Variants in DLGAP1 observed in about 807,000 individuals in gnomAD.
The protein encoded by DLGAP1 is disks large-associated protein 1.
DLGAP1 carries 11 observed loss-of-function variants against 90.8 expected under a neutral mutation model. The observed-to-expected ratio is 0.12, with a 90% CI of 0.08 to 0.20. The LOEUF (loss-of-function observed/expected upper bound fraction) is 0.20. Ranked by LOEUF, DLGAP1 falls within the 10% of genes least tolerant of loss-of-function variation. The pLI is 1.00. For synonymous variants in DLGAP1, 558 were observed against 540.7 expected, an observed-to-expected ratio of 1.03 and a Z score of -0.44; for missense variants, 1,050 against 1,333.8, an observed-to-expected ratio of 0.79 and a Z score of 3.31.
intron 1 of DLGAP1, among the ~76,000 whole-genome samples, chr18:4,403,863 T>A (rs555058570): frequency 6.6e-6 from 1 of 152,176 alleles, no homozygotes; most frequent in Non-Finnish European, 1.5e-5. Context: ...GTAATTAGGC[T>A]ATGAAATATC....
intron 4 of DLGAP1, among the ~76,000 whole-genome samples, chr18:3,846,074 G>GTGTA (rs1416090725): frequency 6.6e-6 from 1 of 151,784 alleles, no homozygotes; most frequent in African/African-American, 2.4e-5. Context: ...GTGTGTGTGT[G>GTGTA]TGTGTGTCTC....
chr18:3,989,793 A>C (rs375811695), intron 3 of DLGAP1, among the ~76,000 whole-genome samples: 2 of 152,222 alleles, frequency 1.3e-5, no homozygotes, highest in African/African-American at 4.8e-5. Flanking sequence ...CAAGAAAAAA[A>C]CAAACAACCC....
chr18:3,940,893 T>C (rs1047609755), intron 3 of DLGAP1, among the ~76,000 whole-genome samples: 1 of 152,176 alleles, frequency 6.6e-6, no homozygotes, highest in Non-Finnish European at 1.5e-5. Flanking sequence ...TGAAATAATT[T>C]TGCATTTCCT....
At chr18:4,126,363 C>G (rs2076233131) in intron 2 of DLGAP1, among the ~76,000 whole-genome samples, 2 of 152,228 alleles carry the variant, frequency 1.3e-5, no homozygotes, top group African/African-American at 4.8e-5. Flanking sequence ...CTTCTAAGAT[C>G]ACATCTCTCA....
At chr18:4,026,279 G>T (rs1254744863) in intron 2 of DLGAP1, among the ~76,000 whole-genome samples, 1 of 152,170 alleles carries the variant, frequency 6.6e-6, no homozygotes, top group East Asian at 1.9e-4. Flanking sequence ...TTCACTAAAA[G>T]GGTCATACAG....
intron 5 of DLGAP1, among the ~76,000 whole-genome samples, chr18:3,812,967 T>C (rs1171963917): frequency 6.6e-6 from 1 of 152,234 alleles, no homozygotes; most frequent in Non-Finnish European, 1.5e-5. Flanking sequence ...TTATCCGTAA[T>C]ATATTTTTCA....
At chr18:4,401,371 T>C (rs2082550640) in intron 1 of DLGAP1, among the ~76,000 whole-genome samples, 3 of 152,192 alleles carry the variant, frequency 2.0e-5, no homozygotes, top group Non-Finnish European at 2.9e-5. Context: ...TTATTCTGTA[T>C]AGAACAAAAA....
chr18:3,705,725 C>T (rs1312551477), intron 7 of DLGAP1, among the ~76,000 whole-genome samples: 3 of 151,418 alleles, frequency 2.0e-5, no homozygotes, highest in African/African-American at 7.3e-5. Context: ...GTGGCTCGAT[C>T]TCGGCTCACT....
At chr18:4,262,066 C>T (rs759355352) in intron 1 of DLGAP1, among the ~76,000 whole-genome samples, 2 of 152,136 alleles carry the variant, frequency 1.3e-5, no homozygotes, top group African/African-American at 2.4e-5. Flanking sequence ...TTCTTCCAAT[C>T]CTAACATTCT....
chr18:3,861,034 T>C (rs112940587), intron 4 of DLGAP1, among the ~76,000 whole-genome samples: 50 of 152,358 alleles, frequency 3.3e-4, no homozygotes, highest in African/African-American at 1.2e-3. Flanking sequence ...AGTTATTTAA[T>C]GTTCCACTGG....
At chr18:4,441,513 A>G (rs893142057) in intron 1 of DLGAP1, among the ~76,000 whole-genome samples, 9 of 152,208 alleles carry the variant, frequency 5.9e-5, no homozygotes, top group Non-Finnish European at 1.0e-4. Flanking sequence ...TCAAAAATAA[A>G]AGGACACATG....
chr18:4,419,042 C>G (rs1207279007), intron 1 of DLGAP1, among the ~76,000 whole-genome samples: 2 of 151,980 alleles, frequency 1.3e-5, no homozygotes, highest in Non-Finnish European at 2.9e-5. Flanking sequence ...AGACTTGTAG[C>G]TAGAAGACAA....
intron 2 of DLGAP1, among the ~76,000 whole-genome samples, chr18:4,068,278 T>G (rs2075399151): frequency 6.6e-6 from 1 of 152,034 alleles, no homozygotes; most frequent in South Asian, 2.1e-4. Context: ...TACTCAGTAG[T>G]TGCTCAATAA....
At chr18:3,663,234 G>A (rs1046313351) in intron 7 of DLGAP1, among the ~76,000 whole-genome samples, 1 of 151,674 alleles carries the variant, frequency 6.6e-6, no homozygotes, top group Non-Finnish European at 1.5e-5. Context: ...TCATGCCATT[G>A]TACTTCAGCC....
intron 1 of DLGAP1, among the ~76,000 whole-genome samples, chr18:4,346,587 A>G (rs73941445): frequency 1.3e-5 from 2 of 152,186 alleles, no homozygotes; most frequent in Non-Finnish European, 1.5e-5. Context: ...GGGGAATTAG[A>G]TATTTGCTGA....
chr18:3,541,172 T>C (rs775798323), intron 9 of DLGAP1, among the ~76,000 whole-genome samples: 31 of 152,202 alleles, frequency 2.0e-4, no homozygotes, highest in Middle Eastern at 3.4e-3. Flanking sequence ...TGTAGGCTTG[T>C]AAGTCCGATG....
chr18:3,980,410 G>A (rs902256423), intron 3 of DLGAP1, among the ~76,000 whole-genome samples: 5 of 152,174 alleles, frequency 3.3e-5, no homozygotes, highest in Admixed American at 6.5e-5. Flanking sequence ...TGCACTTGAT[G>A]AGCAGGAGCA....
chr18:3,927,023 C>T (rs2072407528), intron 3 of DLGAP1, among the ~76,000 whole-genome samples: 1 of 152,024 alleles, frequency 6.6e-6, no homozygotes, highest in African/African-American at 2.4e-5. Context: ...TTAAGCAGTA[C>T]AATGAATAAT....
intron 3 of DLGAP1, among the ~76,000 whole-genome samples, chr18:3,921,937 T>C (rs1043987233): frequency 6.6e-6 from 1 of 152,092 alleles, no homozygotes; most frequent in East Asian, 1.9e-4. Flanking sequence ...GGAAGAGTGC[T>C]CTATTGAGAG....
Sources: allele counts gnomAD v4.1 joint callset (sites outside exome capture counted in the v4.1 genomes callset), GRCh38; gene constraint gnomAD v4.1.1; transcripts MANE v1.5; gene names NCBI Gene and HGNC (gene_info 2026-07-23, HGNC 2026-07-21).